Variants in P3H2 observed in about 807,000 individuals in gnomAD.
P3H2 encodes the protein prolyl 3-hydroxylase 2.
In P3H2, 80 loss-of-function variants were observed where a neutral mutation model predicts 87.0. That is an observed-to-expected ratio of 0.92 (90% CI 0.77 to 1.11). The LOEUF (loss-of-function observed/expected upper bound fraction) is 1.11. Ranked by LOEUF, P3H2 falls within the 50% of genes least tolerant of loss-of-function variation. The pLI, the probability that P3H2 is intolerant of heterozygous loss-of-function variation, is 0.00. For synonymous variants in P3H2, 367 were observed against 359.3 expected, an observed-to-expected ratio of 1.02 and a Z score of -0.24; for missense variants, 1,001 against 923.9, an observed-to-expected ratio of 1.08 and a Z score of -1.08.
intron 1 of P3H2, among the ~76,000 whole-genome samples, chr3:190,081,527 A>G (rs552234593): frequency 1.3e-5 from 2 of 152,350 alleles, no homozygotes; most frequent in Admixed American, 6.5e-5. Flanking sequence ...AATTGTTTCA[A>G]GAAAATGAGT....
rs902426799 is a variant in P3H2 at position 189,957,836 on chromosome 3, C to T, written c.*76G>A. 6 of 972,826 alleles carry T rather than the reference C, an allele frequency of 6.2e-6. No individual in the cohort carries two copies. The highest frequency in any genetic ancestry group is 8.2e-6 in the Non-Finnish European group (5 of 613,488). The allele number at this position is 972,826 out of a possible 1,614,324, so 60.3% of individuals were successfully genotyped here. The stretch of plus-strand genomic sequence containing the variant: ...ATTAACCTGTTAATTTATACCATGG[C>T]TCTGTACAAAAATAAAAAGGTTCTC... On this transcript the variant is annotated 3_prime_UTR_variant, in exon 15 of 15. Transcript: ENST00000319332.
intron 1 of P3H2, among the ~76,000 whole-genome samples, chr3:190,045,291 C>G (rs929737423): frequency 5.3e-5 from 8 of 152,134 alleles, no homozygotes; most frequent in African/African-American, 1.9e-4. Flanking sequence ...AAAATTAATG[C>G]AATTGTGTGG....
intron 1 of P3H2, among the ~76,000 whole-genome samples, chr3:190,047,050 A>G (rs867947763): frequency 8.3e-6 from 1 of 121,094 alleles, no homozygotes; most frequent in Non-Finnish European, 1.9e-5. Context: ...ACAAAACAAA[A>G]AAACAAATAA....
intron 1 of P3H2, among the ~76,000 whole-genome samples, chr3:190,023,285 T>C (rs376628051): frequency 6.6e-6 from 1 of 152,134 alleles, no homozygotes; most frequent in Admixed American, 6.5e-5. Flanking sequence ...TACTGGCAGG[T>C]GATTCAATTT....
At chr3:190,052,212 G>A (rs1422817333) in intron 1 of P3H2, among the ~76,000 whole-genome samples, 2 of 152,066 alleles carry the variant, frequency 1.3e-5, no homozygotes, top group Non-Finnish European at 2.9e-5. Context: ...CATGCATTAA[G>A]TATTTGTCCT....
In P3H2 at chr3:189,974,664, T is replaced by C; in HGVS notation, c.1346A>G (p.Asn449Ser). The part of the protein sequence containing the change: ...LREGGPLLYE[N>S]ITFVYNSEQL... ...CTCCGAGTTGTAGACGAATGTGATG[T>C]TCTCATAGAGTAGAGGACCACCTAC... The change falls in exon 9 of 15, where the codon AAC becomes AGC. Residue 449 changes from asparagine to serine, a missense_variant. Transcript: ENST00000319332. 1 of 1,614,234 alleles carries C rather than the reference T, an allele frequency of 6.2e-7. No individual in the cohort carries two copies. The highest frequency in any genetic ancestry group is 8.5e-7 in the Non-Finnish European group (1 of 1,180,034).
At chr3:190,068,729 TCACTTAA>T (rs947943624) in intron 1 of P3H2, among the ~76,000 whole-genome samples, 11 of 152,094 alleles carry the variant, frequency 7.2e-5, no homozygotes, top group Admixed American at 2.6e-4. Context: ...AGAAGGCTTA[TCACTTAA>T]AAGAGTTACC....
intron 1 of P3H2, among the ~76,000 whole-genome samples, chr3:190,060,829 G>A (rs901147644): frequency 5.9e-5 from 9 of 152,040 alleles, no homozygotes; most frequent in African/African-American, 1.9e-4. Context: ...ATAGGGAAGG[G>A]GAGTATAGAA....
rs1726086472 is a variant in P3H2, at chr3:190,054,442, A to G, written c.481-59000T>C. ...GTGGTAGAGAGAAAAAAAAAAGATC[A>G]TAGAATATCAACATTGGGAGAGATA... On this transcript the variant is annotated intron_variant, in intron 1 of 14. Coordinates refer to ENST00000319332, the MANE Select transcript of P3H2 (RefSeq NM_018192.4). Among the ~76,000 whole-genome samples the G allele has an allele frequency of 3.9e-5, 6 of 152,280 alleles. No individual in the cohort carries two copies. The South Asian group carries it at 1.2e-3, about 32-fold the overall frequency.
chr3:190,026,198 C>A (rs1725079758), intron 1 of P3H2, among the ~76,000 whole-genome samples: 1 of 152,118 alleles, frequency 6.6e-6, no homozygotes. Flanking sequence ...AGCCTGTTTA[C>A]TTAAAAGTCA....
At chr3:190,017,704 A>G (rs980396533) in intron 1 of P3H2, among the ~76,000 whole-genome samples, 3 of 152,156 alleles carry the variant, frequency 2.0e-5, no homozygotes, top group African/African-American at 7.2e-5. Flanking sequence ...CTTGTTAGTT[A>G]GTCTTGGAGA....
At chr3:190,063,990 CTTTTTT>C (rs770967128) in intron 1 of P3H2, among the ~76,000 whole-genome samples, 3 of 124,230 alleles carry the variant, frequency 2.4e-5, no homozygotes, top group African/African-American at 9.5e-5. Flanking sequence ...TTAGAATAAA[CTTTTTT>C]TTTTTTTTTT....
intron 4 of P3H2, among the ~76,000 whole-genome samples, chr3:189,988,538 G>C (rs1368693395): frequency 6.6e-6 from 1 of 152,052 alleles, no homozygotes; most frequent in African/African-American, 2.4e-5. Flanking sequence ...TTTATGACTT[G>C]AGCACGTGAT....
At chr3:190,083,405 C>T (rs10937421) in intron 1 of P3H2, among the ~76,000 whole-genome samples, 46 of 152,110 alleles carry the variant, frequency 3.0e-4, no homozygotes, top group Non-Finnish European at 6.2e-4. Context: ...CTGGTGTGTG[C>T]TTTTTGGCTA....
rs572487622 is a variant in P3H2 at position 189,995,207 on chromosome 3, A to T, written c.633+83T>A. ...TGAGAATAAACTTTATGAGATATTC[A>T]TTCATAGAAATTTGCTGTGACTCAG... is the stretch of plus-strand genomic sequence containing the variant. On this transcript the variant is annotated intron_variant, in intron 2 of 14. Transcript: ENST00000319332. 60 of 1,290,268 alleles carry T rather than the reference A, an allele frequency of 4.7e-5. 1 individual carries two copies. The South Asian group carries it at 7.0e-4, about 15-fold the overall frequency. The allele number at this position is 1,290,268 out of a possible 1,614,324, so 79.9% of individuals were successfully genotyped here.
intron 1 of P3H2, among the ~76,000 whole-genome samples, chr3:190,115,649 T>C (rs1712260953): frequency 6.6e-6 from 1 of 152,176 alleles, no homozygotes; most frequent in South Asian, 2.1e-4. Flanking sequence ...CCAGAACTTG[T>C]AAGTAGAAAA....
intron 1 of P3H2, among the ~76,000 whole-genome samples, chr3:190,034,634 G>A (rs1725359489): frequency 6.6e-6 from 1 of 152,046 alleles, no homozygotes; most frequent in African/African-American, 2.4e-5. Flanking sequence ...AGGAGGGAGG[G>A]GTTGATTATA....
chr3:190,080,411 T>C lies in P3H2; in HGVS notation c.480+39841A>G, dbSNP rs186341288. 1.8e-4 allele frequency among the ~76,000 whole-genome samples: 27 copies of C among 152,238 alleles called. No individual in the cohort carries two copies. The East Asian group carries it at 5.2e-3, about 29-fold the overall frequency. Reference sequence around the variant, plus strand: ...GCTTTTTTCTTTTTCTTTTCCTTTTTTTTGAGACAGAATTTTGCTCTTGTT... The same window carrying C: ...GCTTTTTTCTTTTTCTTTTCCTTTTCTTTGAGACAGAATTTTGCTCTTGTT... On this transcript the variant is annotated intron_variant, in intron 1 of 14. Transcript: ENST00000319332.
chr3:189,992,893 C>G (rs556794929), intron 3 of P3H2, among the ~76,000 whole-genome samples: 3 of 152,126 alleles, frequency 2.0e-5, no homozygotes, highest in African/African-American at 7.2e-5. Context: ...TATATTAACA[C>G]TTTGCCTATA....
Sources: gnomAD v4.1 joint callset for allele counts (sites outside exome capture counted in the v4.1 genomes callset) on GRCh38, gnomAD v4.1.1 for gene constraint, MANE v1.5 for transcripts, NCBI Gene and HGNC (gene_info 2026-07-23, HGNC 2026-07-21) for gene names.